Variants in ZNF34 observed in about 807,000 individuals in gnomAD.
The protein encoded by ZNF34 is zinc finger protein 34 (KOX 32).
Under a neutral mutation model 14.4 loss-of-function variants are expected in ZNF34, and 8 were observed. The observed-to-expected ratio is 0.55, with a 90% CI of 0.33 to 1.00. The LOEUF (loss-of-function observed/expected upper bound fraction) is 1.00, where lower values mean the gene tolerates loss of function less well. ZNF34 is among the 50% of genes least tolerant of loss of function. The probability of loss-of-function intolerance (pLI) is 0.03; values close to 1 mark genes in which losing one functional copy is unlikely to be tolerated. For missense variants in ZNF34, 538 were observed against 674.2 expected, an observed-to-expected ratio of 0.80 and a Z score of 2.24; for synonymous variants, 235 against 247.9, an observed-to-expected ratio of 0.95 and a Z score of 0.49.
chr8:144,785,942 G>A (rs1007459429), intron 1 of ZNF34, among the ~76,000 whole-genome samples: 1 of 149,956 alleles, frequency 6.7e-6, no homozygotes, highest in African/African-American at 2.5e-5. Context: ...GAGAAAAACT[G>A]TCAGGTACAG....
At chr8:144,786,309 G>T (rs1298326540) in intron 1 of ZNF34, among the ~76,000 whole-genome samples, 1 of 150,732 alleles carries the variant, frequency 6.6e-6, no homozygotes, top group African/African-American at 2.4e-5. Context: ...AGATTTTTAA[G>T]AGACAAAAAC....
intron 1 of ZNF34, 57 bp downstream of exon 1, chr8:144,787,222 G>T (rs1227963069): frequency 1.4e-5 from 2 of 143,906 alleles, no homozygotes; most frequent in Non-Finnish European, 1.5e-5. Flanking sequence ...GCAGGGGAGG[G>T]TCTGCGCCGG....
chr8:144,774,424 G>C lies in ZNF34; in HGVS notation c.462C>G (p.Ser154Arg), dbSNP rs771192481. The C allele has an allele frequency of 6.2e-7, 1 of 1,613,938 alleles. No homozygotes were observed. Among genetic ancestry groups the C allele is most frequent in the Non-Finnish European group, 8.5e-7 (1 of 1,179,870 alleles). ...RAVTLTNGES[S>R]RESGGNLRLL... ...ACCTGAGGTTTCCCCCAGACTCCCTGCTGCTCTCCCCGTTGGTCAGTGTGA... is the reference window on the plus strand; with the variant it reads ...ACCTGAGGTTTCCCCCAGACTCCCTCCTGCTCTCCCCGTTGGTCAGTGTGA... Residue 154 changes from serine (S) to arginine (R), a missense_variant, in exon 6 of 6, where the codon AGC becomes AGG. By Grantham distance (110) the Ser-to-Arg change is moderately radical. Transcript: ENST00000429371.
At position 144,773,396 on chromosome 8, in the gene ZNF34, A is replaced by G. The variant is rs1473393566; in HGVS notation, c.1490T>C (p.Leu497Ser). 6.2e-7 allele frequency: 1 copy of G among 1,613,760 alleles called. No individual in the cohort carries two copies. Among genetic ancestry groups the G allele is most frequent in the South Asian group, 1.1e-5 (1 of 91,050 alleles). Residue 497 changes from leucine to serine, a missense_variant, in exon 6 of 6, where the codon TTG becomes TCG. Physicochemically the swap from Leu to Ser is moderately radical, Grantham distance 145. Coordinates refer to ENST00000429371, the MANE Select transcript of ZNF34 (RefSeq NM_001286769.2). The surrounding 1 kb of genome is among the most constrained non-coding windows in gnomAD (Gnocchi z 5.4). ...CKKAFSQSTY[L>S]IQHRRIHTGE... ...GGTGTGGATCCTCCGGTGCTGAATC[A>G]AGTACGTGCTCTGGCTGAAGGCTTT...
At chr8:144,784,798 C>G (rs947306296) in intron 1 of ZNF34, among the ~76,000 whole-genome samples, 5 of 151,144 alleles carry the variant, frequency 3.3e-5, no homozygotes, top group East Asian at 1.9e-4. Flanking sequence ...ACAATAAAAG[C>G]CTATAAAGAA....
rs576428525 is a variant in ZNF34 at position 144,777,796 on chromosome 8, C to T, written c.161-219G>A. The stretch of plus-strand genomic sequence containing the variant: ...CACTAGGAGGTATGCAACTCCGCCC[C>T]CCCGGTGTCCCCCGCCCTACCAGGG... On this transcript the variant is annotated intron_variant, in intron 4 of 5. Coordinates refer to ENST00000429371, the MANE Select transcript of ZNF34 (RefSeq NM_001286769.2). This position sits in a 1 kb window ranked among gnomAD's most constrained non-coding sequence, Gnocchi z 4.8. Among the ~76,000 whole-genome samples the T allele has an allele frequency of 6.6e-6, 1 of 152,184 alleles. No individual in the cohort carries two copies. Among genetic ancestry groups the T allele is most frequent in the South Asian group, 2.1e-4 (1 of 4,828 alleles).
rs397891745 is a variant in ZNF34, at chr8:144,784,458, T to TAAA, written c.-108+2818_-108+2820dup. Among the ~76,000 whole-genome samples the TAAA allele has an allele frequency of 3.2e-5, 4 of 126,240 alleles. 1 individual carries two copies. Among genetic ancestry groups the TAAA allele is most frequent in the Admixed American group, 8.3e-5 (1 of 12,044 alleles). The allele number at this position is 126,240 out of a possible 152,430, so 82.8% of individuals were successfully genotyped here. A position where few individuals can be genotyped will look rare whatever the true frequency, so the allele number is the denominator to read the frequency against. On this transcript the variant is annotated intron_variant, in intron 1 of 5. Transcript: ENST00000429371. ...TCAGGCAGGTTGAAGACCTAAACAT[T>TAAA]AAAAAAAAAAAAAAAAAAAGGTCGG... is the stretch of plus-strand genomic sequence containing the variant.
intron 1 of ZNF34, among the ~76,000 whole-genome samples, chr8:144,782,288 C>T (rs1397792698): frequency 2.0e-5 from 3 of 152,020 alleles, no homozygotes; most frequent in Non-Finnish European, 4.4e-5. Context: ...CACCACTGCA[C>T]TCCAGCCTGG....
At chr8:144,786,734 G>C (rs964851391) in intron 1 of ZNF34, among the ~76,000 whole-genome samples, 4 of 152,002 alleles carry the variant, frequency 2.6e-5, no homozygotes, top group Non-Finnish European at 5.9e-5. Flanking sequence ...GCTGCGGGGA[G>C]AAAAGCCTTG....
chr8:144,774,487 G>T lies in ZNF34; in HGVS notation c.399C>A (p.Ser133Arg). 3 of 1,613,840 alleles carry T rather than the reference G, an allele frequency of 1.9e-6. No homozygotes were observed. Among genetic ancestry groups the T allele is most frequent in the Non-Finnish European group, 2.5e-6 (3 of 1,179,876 alleles). Residue 133 changes from serine to arginine, a missense_variant, in exon 6 of 6, where the codon AGC becomes AGA. By Grantham distance (110) the Ser-to-Arg change is moderately radical. Transcript: ENST00000429371. Reference protein sequence around the residue: ...ACDHISKSEGSLEKLVEQRGP... With the variant: ...ACDHISKSEGRLEKLVEQRGP... ...CTCTCTGCTCCACTAGCTTTTCCAGGCTCCCCTCTGACTTACTGATGTGGT... is the reference window on the plus strand; with the variant it reads ...CTCTCTGCTCCACTAGCTTTTCCAGTCTCCCCTCTGACTTACTGATGTGGT...
intron 1 of ZNF34, 85 bp from the exon 2 acceptor site, chr8:144,780,365 T>C (rs1251293343): frequency 9.8e-7 from 1 of 1,020,428 alleles, no homozygotes; most frequent in African/African-American, 1.6e-5. Context: ...TAGCTATATA[T>C]CTTTTCTGTA....
In ZNF34 at chr8:144,783,280, A is replaced by G. The variant is rs1442711400; in HGVS notation, c.-107-3000T>C. Among the ~76,000 whole-genome samples, 4 of 152,342 alleles carry G rather than the reference A, an allele frequency of 2.6e-5. No individual in the cohort carries two copies. The East Asian group carries it at 7.7e-4, about 29-fold the overall frequency. Reference sequence around the variant, plus strand: ...CCATGCATTCAAGTTTGTGTTCGCAACACTAAGAGGACACATTAGAAGCAC... The same window carrying G: ...CCATGCATTCAAGTTTGTGTTCGCAGCACTAAGAGGACACATTAGAAGCAC... On this transcript the variant is annotated intron_variant, in intron 1 of 5. Transcript: ENST00000429371.
intron 1 of ZNF34, among the ~76,000 whole-genome samples, chr8:144,783,097 C>T (rs772980901): frequency 1.3e-5 from 2 of 151,586 alleles, no homozygotes; most frequent in South Asian, 4.2e-4. Context: ...CCCAGGAGTT[C>T]AAGCTCAGCC....
rs1003656018 is a variant in ZNF34 at position 144,779,398 on chromosome 8, C to T, written c.-55+830G>A. On this transcript the variant is annotated intron_variant, in intron 2 of 5. Coordinates refer to ENST00000429371, the MANE Select transcript of ZNF34 (RefSeq NM_001286769.2). This position sits in a 1 kb window ranked among gnomAD's most constrained non-coding sequence, Gnocchi z 4.1. Reference sequence around the variant, plus strand: ...TCACCTGTCTACCCTCATGTCCGCACATCCTCACCACCTGCTTCTTTGTTC... The same window carrying T: ...TCACCTGTCTACCCTCATGTCCGCATATCCTCACCACCTGCTTCTTTGTTC... Among the ~76,000 whole-genome samples the T allele has an allele frequency of 1.3e-5, 2 of 152,216 alleles. No individual in the cohort carries two copies. Among genetic ancestry groups the T allele is most frequent in the Non-Finnish European group, 2.9e-5 (2 of 68,050 alleles).
intron 5 of ZNF34, among the ~76,000 whole-genome samples, chr8:144,775,367 G>A (rs947365849): frequency 3.3e-5 from 5 of 152,214 alleles, no homozygotes; most frequent in African/African-American, 4.8e-5. Flanking sequence ...CAGTGACTCT[G>A]CTCCCAGGTA....
chr8:144,777,952 C>T lies in ZNF34; in HGVS notation c.160+86G>A. ...ATAAAGGTCATCACCTATCTGTGCCCAGGGGGTGAGGCCCCTAGCCCAGCC... is the reference window on the plus strand; with the variant it reads ...ATAAAGGTCATCACCTATCTGTGCCTAGGGGGTGAGGCCCCTAGCCCAGCC... On this transcript the variant is annotated intron_variant, in intron 4 of 5. Transcript: ENST00000429371. This position sits in a 1 kb window ranked among gnomAD's most constrained non-coding sequence, Gnocchi z 4.8. 8 of 1,562,476 alleles carry T rather than the reference C, an allele frequency of 5.1e-6. No homozygotes were observed. Among genetic ancestry groups the T allele is most frequent in the Non-Finnish European group, 7.0e-6 (8 of 1,150,506 alleles).
Position 144,773,558 on chromosome 8 carries a change from T to C in ZNF34, c.1328A>G (p.Gln443Arg). The C allele has an allele frequency of 6.2e-7, 1 of 1,614,186 alleles. No individual in the cohort carries two copies. Among genetic ancestry groups the C allele is most frequent in the Non-Finnish European group, 8.5e-7 (1 of 1,180,024 alleles). ...CTCTCCTGTGTGGATTCTCTGGTGCTGGATGAGGTGTGTGCTTTGGCTGAA... is the reference window on the plus strand; with the variant it reads ...CTCTCCTGTGTGGATTCTCTGGTGCCGGATGAGGTGTGTGCTTTGGCTGAA... ...KVFSQSTHLIQHQRIHTGEKP... is the reference protein window; with the variant it reads ...KVFSQSTHLIRHQRIHTGEKP... Residue 443 changes from glutamine (Q) to arginine (R), a missense_variant, in exon 6 of 6, where the codon CAG becomes CGG. By Grantham distance (43) the Gln-to-Arg change is conservative. Transcript: ENST00000429371. The surrounding 1 kb of genome is among the most constrained non-coding windows in gnomAD (Gnocchi z 5.4).
chr8:144,782,270 C>T (rs555471108), intron 1 of ZNF34, among the ~76,000 whole-genome samples: 8 of 151,998 alleles, frequency 5.3e-5, no homozygotes, highest in South Asian at 2.1e-4. Context: ...TACAGTGAGC[C>T]GAGATCGCAC....
chr8:144,784,505 A>G (rs926756555), intron 1 of ZNF34, among the ~76,000 whole-genome samples: 3 of 151,050 alleles, frequency 2.0e-5, no homozygotes, highest in Admixed American at 2.0e-4. Context: ...CACGCCTGTA[A>G]TCCCAGCACT....
Sources: gnomAD v4.1 joint callset for allele counts (sites outside exome capture counted in the v4.1 genomes callset) on GRCh38, gnomAD v4.1.1 for gene constraint, Gnocchi (gnomAD v3.1) non-coding constraint, MANE v1.5 for transcripts, NCBI Gene and HGNC (gene_info 2026-07-23, HGNC 2026-07-21) for gene names.